TMCC2: variants seen among roughly 807,000 people sequenced by gnomAD.
The protein encoded by TMCC2 is transmembrane and coiled-coil domain family 2.
Under a neutral mutation model 49.4 loss-of-function variants are expected in TMCC2, and 16 were observed. That is an observed-to-expected ratio of 0.32 (90% CI 0.22 to 0.49). The LOEUF (loss-of-function observed/expected upper bound fraction) is 0.49, where lower values mean the gene tolerates loss of function less well. TMCC2 is among the 20% of genes least tolerant of loss of function. The probability of loss-of-function intolerance (pLI) is 0.99; values close to 1 mark genes in which losing one functional copy is unlikely to be tolerated. For missense variants in TMCC2, 762 were observed against 989.8 expected (o/e 0.77, Z 3.09); for synonymous variants, 397 against 434.1 (o/e 0.91, Z 1.06).
intron 2 of TMCC2, among the ~76,000 whole-genome samples, chr1:205,262,256 T>C (rs1661148003): frequency 6.6e-6 from 1 of 152,106 alleles, no homozygotes; most frequent in South Asian, 2.1e-4. Context: ...TCCCAGGCAT[T>C]GTAAACCTCT....
At chr1:205,230,181 T>C in intron 1 of TMCC2, 1 of 985,012 alleles carries the variant, frequency 1.0e-6, no homozygotes, top group South Asian at 4.7e-5. Flanking sequence ...TGAGTGTGTG[T>C]GCTCTTACCT....
At chr1:205,246,759 C>G in intron 2 of TMCC2, 1 of 1,484,334 alleles carries the variant, frequency 6.7e-7, no homozygotes, top group Non-Finnish European at 9.1e-7. Flanking sequence ...CTCTGGTATG[C>G]AGCTATTTTA....
chr1:205,250,546 A>G (rs953328419), intron 2 of TMCC2, among the ~76,000 whole-genome samples: 2 of 152,210 alleles, frequency 1.3e-5, no homozygotes, highest in African/African-American at 4.8e-5. Flanking sequence ...CGTCTCAGAA[A>G]AAGAAAAAAA....
intron 1 of TMCC2, among the ~76,000 whole-genome samples, chr1:205,237,743 G>A (rs879310507): frequency 6.6e-6 from 1 of 152,220 alleles, no homozygotes; most frequent in East Asian, 1.9e-4. Flanking sequence ...AGAAACCACA[G>A]CCTTCTCAGG....
In TMCC2 at chr1:205,269,772, C is replaced by CGGGA. The variant is rs1558659695; in HGVS notation, c.1572_1575dup (p.Ile526GlyfsTer50). 1.2e-6 allele frequency: 2 copies of CGGGA among 1,614,110 alleles called. No homozygotes were observed. ...CCTGGATGCTCTGCTGGAAGAGCTACGGGAGATCAAGGAGGGACAGTCTCA... is the reference window on the plus strand; with the variant it reads ...CCTGGATGCTCTGCTGGAAGAGCTACGGGAGGGAGATCAAGGAGGGACAGTCTCA... On this transcript the variant is annotated frameshift_variant, in exon 3 of 5. Transcript: ENST00000358024. LOFTEE classifies it high-confidence loss of function.
chr1:205,266,761 G>C (rs1352194820), intron 2 of TMCC2, among the ~76,000 whole-genome samples: 1 of 152,218 alleles, frequency 6.6e-6, no homozygotes. Context: ...TTCAGATTCA[G>C]CGTTTAATGA....
chr1:205,250,255 T>C (rs1660613285), intron 2 of TMCC2, among the ~76,000 whole-genome samples: 2 of 152,084 alleles, frequency 1.3e-5, no homozygotes, highest in Non-Finnish European at 2.9e-5. Flanking sequence ...AGATTGAAAA[T>C]ATCGGCCGGG....
rs1574875391 is a variant in TMCC2, at chr1:205,271,850, T to A, written c.1856T>A (p.Leu619Gln). The change falls in exon 5 of 5, where the codon CTG (leucine) becomes CAG (glutamine). Residue 619 changes from leucine (L) to glutamine (Q), a missense_variant. Coordinates refer to ENST00000358024, the MANE Select transcript of TMCC2 (RefSeq NM_014858.4). ...TCCTGCCTGACCCGGGTCACCAAGC[T>A]GGAGCTGCAGCAGCAACAGCAGCAG... ...VESCLTRVTK[L>Q]ELQQQQQQVV... The A allele has an allele frequency of 6.2e-7, 1 of 1,613,418 alleles. No homozygotes were observed. The highest frequency in any genetic ancestry group is 1.7e-4 in the Middle Eastern group (1 of 6,024).
At position 205,272,209 on chromosome 1, in the gene TMCC2, C is replaced by G; in HGVS notation, c.*85C>G. 2.0e-6 allele frequency: 3 copies of G among 1,528,558 alleles called. No individual in the cohort carries two copies. The South Asian group carries it at 3.8e-5, about 19-fold the overall frequency. The allele number at this position is 1,528,558 out of a possible 1,614,324, so 94.7% of individuals were successfully genotyped here. On this transcript the variant is annotated 3_prime_UTR_variant, in exon 5 of 5. Transcript: ENST00000358024. Reference sequence around the variant, plus strand: ...GGGACCCTTGGACTTCTTTGTGTGTCCAGTTTGGCCTCCTGCCCAAACTGT... The same window carrying G: ...GGGACCCTTGGACTTCTTTGTGTGTGCAGTTTGGCCTCCTGCCCAAACTGT...
chr1:205,241,660 T>A lies in TMCC2; in HGVS notation c.363T>A (p.Asp121Glu), dbSNP rs1208037217. The A allele has an allele frequency of 6.2e-7, 1 of 1,613,680 alleles. No homozygotes were observed. The highest frequency in any genetic ancestry group is 1.3e-5 in the African/African-American group (1 of 74,906). Residue 121 changes from aspartate to glutamate, a missense_variant, in exon 2 of 5, where the codon GAT becomes GAA. Coordinates refer to ENST00000358024, the MANE Select transcript of TMCC2 (RefSeq NM_014858.4). This position sits in a 1 kb window ranked among gnomAD's most constrained non-coding sequence, Gnocchi z 7.3. ...GTATGTCCGACCATGACTCCCCAGATGAGAAGGAGCGCTCTCCGGAGATGC... is the reference window on the plus strand; with the variant it reads ...GTATGTCCGACCATGACTCCCCAGAAGAGAAGGAGCGCTCTCCGGAGATGC... ...QQGMSDHDSP[D>E]EKERSPEMHR...
At position 205,241,292 on chromosome 1, in the gene TMCC2, C is replaced by A. The variant is rs151047194; in HGVS notation, c.208-213C>A. On this transcript the variant is annotated intron_variant, in intron 1 of 4. Coordinates refer to ENST00000358024, the MANE Select transcript of TMCC2 (RefSeq NM_014858.4). This position sits in a 1 kb window ranked among gnomAD's most constrained non-coding sequence, Gnocchi z 7.3. The stretch of plus-strand genomic sequence containing the variant: ...TCCCGTGGAAAACCGTGGGGGCACA[C>A]TTCTTTCGGAATGAAAGGATGGGTC... Among the ~76,000 whole-genome samples the A allele has an allele frequency of 6.6e-6, 1 of 152,208 alleles. No homozygotes were observed. The highest frequency in any genetic ancestry group is 1.5e-5 in the Non-Finnish European group (1 of 68,046).
At chr1:205,228,852 A>G (rs747298495) in intron 1 of TMCC2, 81 bp downstream of exon 1, 1 of 1,485,880 alleles carries the variant, frequency 6.7e-7, no homozygotes, top group Non-Finnish European at 9.0e-7. Flanking sequence ...TTAACAGGAT[A>G]AAAGTGAGGG....
chr1:205,256,944 ACATC>A (rs1660894580), intron 2 of TMCC2, among the ~76,000 whole-genome samples: 1 of 152,026 alleles, frequency 6.6e-6, no homozygotes, highest in Non-Finnish European at 1.5e-5. Flanking sequence ...GTCCTCGTGC[ACATC>A]CCTTTCAACC....
chr1:205,241,935 A>G lies in TMCC2; in HGVS notation c.638A>G (p.Gln213Arg), dbSNP rs1660285327. ...QDSSLAAILHQHQCRPRSSST... is the reference protein window; with the variant it reads ...QDSSLAAILHRHQCRPRSSST... ...AGCAGCCTGGCCGCCATCCTGCACC[A>G]GCACCAGTGCCGTCCCCGCTCTTCC... Residue 213 changes from glutamine to arginine, a missense_variant, in exon 2 of 5, where the codon CAG (glutamine) becomes CGG (arginine). Coordinates refer to ENST00000358024, the MANE Select transcript of TMCC2 (RefSeq NM_014858.4). The surrounding 1 kb of genome is among the most constrained non-coding windows in gnomAD (Gnocchi z 7.3). 6.2e-7 allele frequency: 1 copy of G among 1,611,390 alleles called. No homozygotes were observed.
intron 1 of TMCC2, among the ~76,000 whole-genome samples, chr1:205,234,954 C>T (rs748487150): frequency 1.1e-4 from 16 of 152,016 alleles, no homozygotes; most frequent in African/African-American, 2.2e-4. Context: ...CCACTGCGCA[C>T]GGCCTAGAGC....
chr1:205,244,639 A>T (rs1660390168), intron 2 of TMCC2, among the ~76,000 whole-genome samples: 1 of 152,186 alleles, frequency 6.6e-6, no homozygotes, highest in Admixed American at 6.5e-5. Context: ...TAGTGGTCCT[A>T]GCCAGAGGGT....
chr1:205,258,977 C>T (rs930159062), intron 2 of TMCC2, among the ~76,000 whole-genome samples: 3 of 152,188 alleles, frequency 2.0e-5, no homozygotes, highest in Non-Finnish European at 2.9e-5. Context: ...CTGAGTCACC[C>T]AGGCCTGCCA....
chr1:205,266,605 A>C (rs566501358), intron 2 of TMCC2, among the ~76,000 whole-genome samples: 183 of 151,270 alleles, frequency 1.2e-3, no homozygotes, highest in Non-Finnish European at 1.9e-3. Flanking sequence ...AAAACAAAAA[A>C]CAAATAAAAA....
At chr1:205,256,033 G>A (rs1489796948) in intron 2 of TMCC2, among the ~76,000 whole-genome samples, 1 of 152,178 alleles carries the variant, frequency 6.6e-6, no homozygotes, top group Non-Finnish European at 1.5e-5. Flanking sequence ...TGAGCCCAGG[G>A]TATGAGGACT....
Sources: gnomAD v4.1 joint callset for allele counts (sites outside exome capture counted in the v4.1 genomes callset) on GRCh38, gnomAD v4.1.1 for gene constraint, Gnocchi (gnomAD v3.1) non-coding constraint, MANE v1.5 for transcripts, NCBI Gene and HGNC (gene_info 2026-07-23, HGNC 2026-07-21) for gene names.